CLEC2B: variants seen among roughly 807,000 people sequenced by gnomAD.
CLEC2B encodes the protein C-type (calcium dependent, carbohydrate-recognition domain) lectin, superfamily member 2 (activation-induced).
Under a neutral mutation model 16.2 loss-of-function variants are expected in CLEC2B, and 14 were observed. The ratio of observed to expected loss-of-function variants is 0.86; its 90% CI spans 0.57 to 1.35. The LOEUF (loss-of-function observed/expected upper bound fraction) is 1.35. CLEC2B is among the 40% of genes most tolerant of loss of function. The pLI is 0.00. For missense variants in CLEC2B, 166 were observed against 182.3 expected (o/e 0.91, Z 0.52); for synonymous variants, 42 against 55.8 (o/e 0.75, Z 1.10).
rs1204015264 is a variant in CLEC2B at position 9,853,167 on chromosome 12, G to A, written c.*133C>T. ...TGCCAATCTTTGAAGTGGCTTTTAT[G>A]TGTAGCCTGACACGTAAGCAGAATT... On this transcript the variant is annotated 3_prime_UTR_variant, in exon 5 of 5. Transcript: ENST00000228438. The A allele has an allele frequency of 1.5e-6, 1 of 688,252 alleles. No homozygotes were observed. Among genetic ancestry groups the A allele is most frequent in the Non-Finnish European group, 2.5e-6 (1 of 399,410 alleles). 42.6% of individuals were successfully genotyped at this position (688,252 alleles called of 1,614,324 possible).
chr12:9,854,602 C>T (rs1283628612), intron 3 of CLEC2B, 118 bp from the exon 4 acceptor site: 1 of 635,648 alleles, frequency 1.6e-6, no homozygotes, highest in South Asian at 2.0e-5. Context: ...CTCCTGGCCT[C>T]ACTAGAAAAT....
At chr12:9,860,216 T>C (rs1477749941) in intron 2 of CLEC2B, among the ~76,000 whole-genome samples, 1 of 151,766 alleles carries the variant, frequency 6.6e-6, no homozygotes, top group African/African-American at 2.4e-5. Context: ...AAAACAATTA[T>C]TATTTTCAGA....
intron 4 of CLEC2B, among the ~76,000 whole-genome samples, chr12:9,853,627 C>T (rs976126092): frequency 6.6e-6 from 1 of 152,166 alleles, no homozygotes; most frequent in African/African-American, 2.4e-5. Flanking sequence ...TACATGTAAT[C>T]AGTGGAGCTA....
intron 3 of CLEC2B, 95 bp downstream of exon 3, chr12:9,857,379 A>G: frequency 4.5e-6 from 4 of 886,920 alleles, no homozygotes. Flanking sequence ...ATAGATAGGC[A>G]TGAGTGAAAA....
At chr12:9,854,747 CA>C (rs1377553688) in intron 3 of CLEC2B, 21 of 468,552 alleles carry the variant, frequency 4.5e-5, no homozygotes, top group Admixed American at 4.4e-4. Flanking sequence ...TCTATTCCTT[CA>C]CAATTTTCAA....
chr12:9,868,581 G>A (rs1424865690), intron 1 of CLEC2B, among the ~76,000 whole-genome samples: 1 of 152,020 alleles, frequency 6.6e-6, no homozygotes, highest in Non-Finnish European at 1.5e-5. Context: ...AAACCCTGTT[G>A]AAATCTCAAA....
At chr12:9,865,670 C>T (rs1339045522) in intron 1 of CLEC2B, among the ~76,000 whole-genome samples, 1 of 152,180 alleles carries the variant, frequency 6.6e-6, no homozygotes, top group Non-Finnish European at 1.5e-5. Flanking sequence ...ATATATCCAA[C>T]TGACACGTAC....
intron 4 of CLEC2B, 53 bp from the exon 5 acceptor site, chr12:9,853,461 T>C: frequency 2.0e-5 from 29 of 1,445,374 alleles, no homozygotes; most frequent in Non-Finnish European, 2.8e-5. Context: ...TCCTTGCCCA[T>C]GGACACCTTT....
intron 4 of CLEC2B, 138 bp from the exon 5 acceptor site, chr12:9,853,546 C>A (rs1459347828): frequency 1.5e-6 from 1 of 654,292 alleles, no homozygotes; most frequent in African/African-American, 1.8e-5. Context: ...TGTTGAGATA[C>A]CTATACCAAT....
intron 4 of CLEC2B, among the ~76,000 whole-genome samples, chr12:9,854,140 T>G (rs942173049): frequency 3.9e-5 from 6 of 152,136 alleles, no homozygotes; most frequent in African/African-American, 1.4e-4. Flanking sequence ...GGGGGAGTTG[T>G]GTATATGAAT....
At chr12:9,867,965 C>T (rs970102748) in intron 1 of CLEC2B, among the ~76,000 whole-genome samples, 2 of 151,632 alleles carry the variant, frequency 1.3e-5, no homozygotes, top group Non-Finnish European at 1.5e-5. Context: ...TCATAAAATA[C>T]TGATAAGCAG....
At chr12:9,854,798 T>TAG (rs34190006) in intron 3 of CLEC2B, 5 of 424,026 alleles carry the variant, frequency 1.2e-5, no homozygotes, top group African/African-American at 8.2e-5. Flanking sequence ...AATTGAGCTC[T>TAG]CGCACAGCAT....
chr12:9,856,821 C>CAGTTT (rs1473996973), intron 3 of CLEC2B: 1 of 152,014 alleles, frequency 6.6e-6, no homozygotes, highest in Non-Finnish European at 1.5e-5. Context: ...TGTAGAGGTG[C>CAGTTT]AGTTTTTCAA....
At chr12:9,854,001 G>A (rs1243639306) in intron 4 of CLEC2B, among the ~76,000 whole-genome samples, 1 of 152,046 alleles carries the variant, frequency 6.6e-6, no homozygotes, top group East Asian at 1.9e-4. Context: ...AATAAAATCA[G>A]ATGAAAATGA....
intron 1 of CLEC2B, among the ~76,000 whole-genome samples, chr12:9,865,933 T>G (rs1335868261): frequency 6.6e-6 from 1 of 152,110 alleles, no homozygotes; most frequent in Middle Eastern, 3.4e-3. Flanking sequence ...TTAAGAAAAT[T>G]TTAAAAATTT....
intron 2 of CLEC2B, among the ~76,000 whole-genome samples, chr12:9,858,764 C>A (rs1431500999): frequency 6.6e-6 from 1 of 150,942 alleles, no homozygotes. Context: ...GTATATATCT[C>A]TCTCATGTAC....
chr12:9,853,573 T>C (rs1479934445), intron 4 of CLEC2B, among the ~76,000 whole-genome samples, 165 bp from the exon 5 acceptor site: 1 of 152,238 alleles, frequency 6.6e-6, no homozygotes, highest in Non-Finnish European at 1.5e-5. Flanking sequence ...CAAAAGAGTT[T>C]CTTTTCCAAG....
At position 9,868,057 on chromosome 12, in the gene CLEC2B, A is replaced by T. The variant is rs1867985299; in HGVS notation, c.-3+1148T>A. Among the ~76,000 whole-genome samples, 4 of 151,094 alleles carry T rather than the reference A, an allele frequency of 2.6e-5. No individual in the cohort carries two copies. The South Asian group carries it at 8.3e-4, about 31-fold the overall frequency. On this transcript the variant is annotated intron_variant, in intron 1 of 4. Transcript: ENST00000228438. ...GCCCTAAATTACCGCTATTAAAACG[A>T]TGTTCATAATTTCAGATATATATGT...
At chr12:9,855,767 C>G (rs1250666146) in intron 3 of CLEC2B, among the ~76,000 whole-genome samples, 1 of 151,808 alleles carries the variant, frequency 6.6e-6, no homozygotes, top group East Asian at 1.9e-4. Flanking sequence ...ATTTTAGCCC[C>G]TTGTTAGAAG....
Sources: gnomAD v4.1 joint callset for allele counts (sites outside exome capture counted in the v4.1 genomes callset) on GRCh38, gnomAD v4.1.1 for gene constraint, MANE v1.5 for transcripts, NCBI Gene and HGNC (gene_info 2026-07-23, HGNC 2026-07-21) for gene names.